Variants in LMTK3 observed in about 807,000 individuals in gnomAD.
The protein encoded by LMTK3 is lemur tail kinase 3.
LMTK3 carries 27 observed loss-of-function variants against 116.7 expected under a neutral mutation model. The observed-to-expected ratio is 0.23, with a 90% confidence interval of 0.17 to 0.32. LMTK3 has a LOEUF of 0.32. LMTK3 is among the 10% of genes least tolerant of loss of function. The pLI, the probability that LMTK3 is intolerant of heterozygous loss-of-function variation, is 1.00. For missense variants in LMTK3, 1,764 were observed against 2,068.5 expected (o/e 0.85, Z 2.86); for synonymous variants, 965 against 971.0 (o/e 0.99, Z 0.11).
chr19:48,499,651 C>T lies in LMTK3; in HGVS notation c.1418G>A (p.Arg473His). 7.8e-6 allele frequency: 12 copies of T among 1,540,814 alleles called. No homozygotes were observed. The highest frequency in any genetic ancestry group is 1.1e-5 in the Non-Finnish European group (12 of 1,142,588). The part of the protein sequence containing the change: ...DDVLTVTESS[R>H]GLNLECLWEK... ...CCACAGGCACTCGAGGTTGAGGCCG[C>T]GGCTACTCTCGGTGACCGTGAGCAC... The change falls in exon 11 of 15, where the codon CGC becomes CAC. Residue 473 changes from arginine (R) to histidine (H), a missense_variant. By Grantham distance (29) the Arg-to-His change is conservative (BLOSUM62 0). Coordinates refer to ENST00000600059, the MANE Select transcript of LMTK3 (RefSeq NM_001388485.1).
chr19:48,509,043 C>T (rs1183957646), intron 4 of LMTK3, 74 bp from the exon 5 acceptor site: 1 of 959,522 alleles, frequency 1.0e-6, no homozygotes. Context: ...CTCCACTCCA[C>T]CACACAGCTC....
intron 5 of LMTK3, among the ~76,000 whole-genome samples, chr19:48,507,854 C>T (rs1251037998): frequency 2.0e-5 from 3 of 152,242 alleles, no homozygotes; most frequent in African/African-American, 7.2e-5. Context: ...AGCAAGTAAG[C>T]AAATGATATA....
rs1972221692 is a variant in LMTK3 at position 48,491,407 on chromosome 19, AGCCGCTGTCGTT to A, written c.4213_4224del (p.Asn1405_Gly1408del). On this transcript the variant is annotated inframe_deletion, in exon 13 of 15. Coordinates refer to ENST00000600059, the MANE Select transcript of LMTK3 (RefSeq NM_001388485.1). This position sits in a 1 kb window ranked among gnomAD's most constrained non-coding sequence, Gnocchi z 5.1. ...GCCCCATAGGGCCCGTCCTCACCAA[AGCCGCTGTCGTT>A]GCTGGGAAACCCATCTCCGGGGGTG... 1 of 1,406,750 alleles carries A rather than the reference AGCCGCTGTCGTT, an allele frequency of 7.1e-7. No homozygotes were observed. The allele number at this position is 1,406,750 out of a possible 1,614,324, so 87.1% of individuals were successfully genotyped here.
At chr19:48,490,473 C>T (rs529977509) in intron 14 of LMTK3, among the ~76,000 whole-genome samples, 1 of 139,180 alleles carries the variant, frequency 7.2e-6, no homozygotes, top group African/African-American at 2.8e-5. Context: ...TTGCACTGAG[C>T]GTAGATTCCA....
intron 14 of LMTK3, among the ~76,000 whole-genome samples, chr19:48,488,482 A>G (rs757040580): frequency 6.6e-6 from 1 of 151,896 alleles, no homozygotes; most frequent in Non-Finnish European, 1.5e-5. Flanking sequence ...TCCCTTGCTT[A>G]TAGTCGTCCG....
rs563862953 is a variant in LMTK3, at chr19:48,509,028, A to G, written c.439-59T>C. 47 of 1,138,158 alleles carry G rather than the reference A, an allele frequency of 4.1e-5. No individual in the cohort carries two copies. The East Asian group carries it at 5.2e-4, about 13-fold the overall frequency. 70.5% of individuals were successfully genotyped at this position (1,138,158 alleles called of 1,614,324 possible). On this transcript the variant is annotated intron_variant, in intron 4 of 14. Coordinates refer to ENST00000600059, the MANE Select transcript of LMTK3 (RefSeq NM_001388485.1). The stretch of plus-strand genomic sequence containing the variant: ...CGTTTCCCCAGCCCCGTCCCCTGGG[A>G]CCAGCTCCACTCCACCACACAGCTC...
Position 48,499,633 on chromosome 19 carries a change from C to T in LMTK3, c.1436G>A (p.Cys479Tyr), listed in dbSNP as rs1401578509. 6.5e-7 allele frequency: 1 copy of T among 1,542,312 alleles called. No homozygotes were observed. The highest frequency in any genetic ancestry group is 8.7e-7 in the Non-Finnish European group (1 of 1,143,604). Residue 479 changes from cysteine (C) to tyrosine (Y), a missense_variant, in exon 11 of 15, where the codon TGC becomes TAC. Cys to Tyr is a radical substitution (Grantham distance 194, BLOSUM62 -2). Coordinates refer to ENST00000600059, the MANE Select transcript of LMTK3 (RefSeq NM_001388485.1). ...TESSRGLNLE[C>Y]LWEKARRGAG... is the part of the protein sequence containing the mutation. Reference sequence around the variant, plus strand: ...CCCACGCCGGGCCTTCTCCCACAGGCACTCGAGGTTGAGGCCGCGGCTACT... The same window carrying T: ...CCCACGCCGGGCCTTCTCCCACAGGTACTCGAGGTTGAGGCCGCGGCTACT...
At chr19:48,486,179 C>A (rs1273760275) in intron 14 of LMTK3, among the ~76,000 whole-genome samples, 1 of 148,200 alleles carries the variant, frequency 6.7e-6, no homozygotes, top group Non-Finnish European at 1.5e-5. Context: ...CCTGCCTCAG[C>A]CTCCCAAGTA....
rs781419867 is a variant in LMTK3, at chr19:48,509,426, A to G, written c.438+11T>C. On this transcript the variant is annotated intron_variant, in intron 4 of 14. Coordinates refer to ENST00000600059, the MANE Select transcript of LMTK3 (RefSeq NM_001388485.1). ...CCATGGAGCCCTGCCTCCCCTCCCCAGCCCACTCACCTTCCCAAACCAGCC... is the reference window on the plus strand; with the variant it reads ...CCATGGAGCCCTGCCTCCCCTCCCCGGCCCACTCACCTTCCCAAACCAGCC... 2.6e-6 allele frequency: 4 copies of G among 1,551,952 alleles called. No homozygotes were observed. The East Asian group carries it at 9.8e-5, about 38-fold the overall frequency.
intron 5 of LMTK3, among the ~76,000 whole-genome samples, chr19:48,507,376 G>A (rs904646313): frequency 1.3e-5 from 2 of 152,292 alleles, no homozygotes; most frequent in East Asian, 1.9e-4. Flanking sequence ...CCCAGCAAAC[G>A]TCTACTGAGA....
chr19:48,492,020 T>C (rs541649755), intron 12 of LMTK3, among the ~76,000 whole-genome samples: 23 of 144,890 alleles, frequency 1.6e-4, no homozygotes, highest in African/African-American at 5.5e-4. Flanking sequence ...GCTCCCGCCC[T>C]CCAAGTCCCA....
In LMTK3 at chr19:48,501,550, C is replaced by A; in HGVS notation, c.807G>T (p.Leu269=). 6.2e-7 allele frequency: 1 copy of A among 1,609,726 alleles called. No homozygotes were observed. The highest frequency in any genetic ancestry group is 8.5e-7 in the Non-Finnish European group (1 of 1,178,532). The part of the protein sequence containing the change: ...SHNYVHSDLA[L]RNCLLTSDLT... Reference sequence around the variant, plus strand: ...GGTCAGAGGTCAGCAGGCAGTTGCGCAGGGCCAGGTCGCTGCGGGAAGAAC... The same window carrying A: ...GGTCAGAGGTCAGCAGGCAGTTGCGAAGGGCCAGGTCGCTGCGGGAAGAAC... The change falls in exon 8 of 15, where the codon CTG becomes CTT. Residue 269 remains leucine (L), a synonymous_variant. Transcript: ENST00000600059.
intron 3 of LMTK3, 67 bp downstream of exon 3, chr19:48,509,956 A>G: frequency 6.4e-7 from 1 of 1,572,956 alleles, no homozygotes; most frequent in South Asian, 1.1e-5. Context: ...CCCTGAAGGA[A>G]CACACTCAAC....
At chr19:48,507,214 G>A (rs1010245852) in intron 5 of LMTK3, among the ~76,000 whole-genome samples, 9 of 152,198 alleles carry the variant, frequency 5.9e-5, no homozygotes, top group African/African-American at 1.9e-4. Context: ...GGCCAAGGCC[G>A]GCCGCTCTGC....
Position 48,499,392 on chromosome 19 carries a change from G to A in LMTK3, c.1677C>T (p.Pro559=). Residue 559 remains proline (P), a synonymous_variant, in exon 11 of 15, where the codon CCC becomes CCT. Coordinates refer to ENST00000600059, the MANE Select transcript of LMTK3 (RefSeq NM_001388485.1). ...GAGGGGCGGGCACTCCTGGGTCCAGGGGGTCCCAGTCGTTGGGGAAGAGGG... is the reference window on the plus strand; with the variant it reads ...GAGGGGCGGGCACTCCTGGGTCCAGAGGGTCCCAGTCGTTGGGGAAGAGGG... The part of the protein sequence containing the change: ...PEPLFPNDWD[P]LDPGVPAPQA... 1 of 1,446,692 alleles carries A rather than the reference G, an allele frequency of 6.9e-7. No homozygotes were observed. Among genetic ancestry groups the A allele is most frequent in the Non-Finnish European group, 9.1e-7 (1 of 1,098,034 alleles). The allele number at this position is 1,446,692 out of a possible 1,614,324, so 89.6% of individuals were successfully genotyped here.
intron 6 of LMTK3, 65 bp from the exon 7 acceptor site, chr19:48,502,646 G>C: frequency 1.3e-6 from 2 of 1,484,758 alleles, no homozygotes; most frequent in Non-Finnish European, 1.8e-6. Flanking sequence ...TCGGCCCGGA[G>C]GCTGGAATGG....
At position 48,502,974 on chromosome 19, in the gene LMTK3, G is replaced by C. The variant is rs779420632; in HGVS notation, c.580C>G (p.Leu194Val). 2 of 1,612,830 alleles carry C rather than the reference G, an allele frequency of 1.2e-6. No homozygotes were observed. Residue 194 changes from leucine (L) to valine (V), a missense_variant, in exon 6 of 15, where the codon CTC becomes GTC. By Grantham distance (32) the Leu-to-Val change is conservative. This residue lies in a region of LMTK3 where 271 missense variants were observed against 478.2 expected (regional missense o/e 0.57). Coordinates refer to ENST00000600059, the MANE Select transcript of LMTK3 (RefSeq NM_001388485.1). Reference protein sequence around the residue: ...PYRSLQHPNVLQCLGLCVETL... With the variant: ...PYRSLQHPNVVQCLGLCVETL... ...TCCACGCACAGACCCAGGCACTGGA[G>C]GACATTGGGGTGCTGCAGGCTCCTG... is the stretch of plus-strand genomic sequence containing the variant.
intron 7 of LMTK3, among the ~76,000 whole-genome samples, 161 bp downstream of exon 7, chr19:48,502,272 G>A (rs1277369206): frequency 1.5e-5 from 2 of 133,700 alleles, no homozygotes; most frequent in Non-Finnish European, 3.2e-5. Flanking sequence ...TCCTGGTCCC[G>A]CCTCCTCTCC....
intron 1 of LMTK3, among the ~76,000 whole-genome samples, chr19:48,511,263 T>G (rs1972652999): frequency 6.6e-6 from 1 of 152,160 alleles, no homozygotes; most frequent in African/African-American, 2.4e-5. Flanking sequence ...CACAAACACA[T>G]GCGTGCACGC....
Sources: gnomAD v4.1 joint callset for allele counts (sites outside exome capture counted in the v4.1 genomes callset) on GRCh38, gnomAD v4.1.1 for gene constraint, gnomAD v4.1.1 regional missense constraint, Gnocchi (gnomAD v3.1) non-coding constraint, MANE v1.5 for transcripts, NCBI Gene and HGNC (gene_info 2026-07-23, HGNC 2026-07-21) for gene names.